The following CSNK2A2 variants were observed in gnomAD, a reference collection of about 807,000 sequenced individuals.
The protein encoded by CSNK2A2 is casein kinase 2 alpha 2, also known as casein kinase II subunit alpha'.
Under a neutral mutation model 54.0 loss-of-function variants are expected in CSNK2A2, and 8 were observed. The observed-to-expected ratio is 0.15, with a 90% CI of 0.09 to 0.27. The LOEUF (loss-of-function observed/expected upper bound fraction) is 0.27, where lower values mean the gene tolerates loss of function less well. Among genes scored for constraint, CSNK2A2 ranks in the 10% least tolerant of loss-of-function variants. The pLI is 1.00. For missense variants in CSNK2A2, 242 were observed against 439.4 expected (o/e 0.55, Z 4.02); for synonymous variants, 141 against 153.9 (o/e 0.92, Z 0.62).
rs940521063 is a variant in CSNK2A2 at position 58,197,986 on chromosome 16, G to A, written c.-250C>T. On this transcript the variant is annotated 5_prime_UTR_variant, in exon 1 of 12. Coordinates refer to ENST00000262506, the MANE Select transcript of CSNK2A2 (RefSeq NM_001896.4). This position sits in a 1 kb window ranked among gnomAD's most constrained non-coding sequence, Gnocchi z 4.0. ...GGGCGGCGGGGCGGGCGGCGCTCGC[G>A]CTCCGCGGCGGTCTCCGCTCGGCTC... 6.9e-6 allele frequency: 1 copy of A among 144,600 alleles called. No homozygotes were observed. Among genetic ancestry groups the A allele is most frequent in the Non-Finnish European group, 1.5e-5 (1 of 64,848 alleles). The allele number at this position is 144,600 out of a possible 1,614,324, so 9.0% of individuals were successfully genotyped here.
intron 2 of CSNK2A2, among the ~76,000 whole-genome samples, chr16:58,194,541 G>A (rs762993996): frequency 2.0e-5 from 3 of 152,156 alleles, no homozygotes; most frequent in Non-Finnish European, 2.9e-5. Flanking sequence ...ACAACATCAA[G>A]AAGAAACAAG....
At chr16:58,184,856 G>A (rs946470153) in intron 3 of CSNK2A2, among the ~76,000 whole-genome samples, 1 of 152,028 alleles carries the variant, frequency 6.6e-6, no homozygotes, top group Non-Finnish European at 1.5e-5. Flanking sequence ...GGTCCAAAAG[G>A]AAAATATAAC....
intron 2 of CSNK2A2, among the ~76,000 whole-genome samples, chr16:58,189,528 G>A (rs950351238): frequency 6.6e-6 from 1 of 152,074 alleles, no homozygotes; most frequent in East Asian, 1.9e-4. Context: ...ATTGGTCTCC[G>A]GTTATTCAGC....
In CSNK2A2 at chr16:58,197,112, C is replaced by G; in HGVS notation, c.105-268G>C. The G allele has an allele frequency of 2.3e-6, 1 of 440,614 alleles. No homozygotes were observed. The highest frequency in any genetic ancestry group is 4.2e-6 in the Non-Finnish European group (1 of 238,342). The allele number at this position is 440,614 out of a possible 1,614,324, so 27.3% of individuals were successfully genotyped here. ...CCAATCCAGAGGGGCGAGCAAAGCA[C>G]CCGTCCTGAAGGCCTAGAGGGTGCC... is the stretch of plus-strand genomic sequence containing the variant. On this transcript the variant is annotated intron_variant, in intron 1 of 11. Transcript: ENST00000262506. This position sits in a 1 kb window ranked among gnomAD's most constrained non-coding sequence, Gnocchi z 4.0.
At chr16:58,180,140 A>G (rs1252909221) in intron 4 of CSNK2A2, among the ~76,000 whole-genome samples, 2 of 151,970 alleles carry the variant, frequency 1.3e-5, no homozygotes, top group Non-Finnish European at 1.5e-5. Flanking sequence ...AACTCAAGAA[A>G]TGAAGAAGAA....
chr16:58,189,296 C>T (rs1337301851), intron 2 of CSNK2A2, among the ~76,000 whole-genome samples: 1 of 152,120 alleles, frequency 6.6e-6, no homozygotes, highest in Non-Finnish European at 1.5e-5. Context: ...GCCAATGCTA[C>T]CAGTTTAGTC....
intron 5 of CSNK2A2, among the ~76,000 whole-genome samples, chr16:58,170,768 T>C (rs1437784647): frequency 6.6e-6 from 1 of 152,172 alleles, no homozygotes; most frequent in Non-Finnish European, 1.5e-5. Flanking sequence ...CCGGCCATTC[T>C]AAATCTTCTT....
At chr16:58,184,434 GCC>G (rs1027319021) in intron 3 of CSNK2A2, 124 bp from the exon 4 acceptor site, 3 of 610,570 alleles carry the variant, frequency 4.9e-6, no homozygotes, top group Non-Finnish European at 8.6e-6. Flanking sequence ...ATCAGGGACA[GCC>G]TGTCAAGAAA....
chr16:58,174,586 T>C lies in CSNK2A2; in HGVS notation c.370-76A>G, dbSNP rs1961828467. ...GTCATCCTAAGTGCAGGCCATTCTC[T>C]AAGCTTATTTGATACTTAAGTGACT... is the stretch of plus-strand genomic sequence containing the variant. On this transcript the variant is annotated intron_variant, in intron 4 of 11. Transcript: ENST00000262506. 3 of 1,177,142 alleles carry C rather than the reference T, an allele frequency of 2.5e-6. No homozygotes were observed. In the East Asian group the frequency reaches 7.2e-5, roughly 28 times the overall value. 72.9% of individuals were successfully genotyped at this position (1,177,142 alleles called of 1,614,324 possible). A position where few individuals can be genotyped will look rare whatever the true frequency, so the allele number is the denominator to read the frequency against.
chr16:58,170,730 T>A (rs898808385), intron 5 of CSNK2A2, among the ~76,000 whole-genome samples: 8 of 152,136 alleles, frequency 5.3e-5, no homozygotes, highest in African/African-American at 1.7e-4. Flanking sequence ...TAATGAGTGA[T>A]GAAGTGGAAC....
chr16:58,191,760 T>C (rs1256886009), intron 2 of CSNK2A2, among the ~76,000 whole-genome samples: 1 of 152,200 alleles, frequency 6.6e-6, no homozygotes, highest in African/African-American at 2.4e-5. Context: ...CTTTCTACTA[T>C]TGGTTCTGCC....
chr16:58,166,438 A>C, intron 9 of CSNK2A2, 146 bp downstream of exon 9: 1 of 529,936 alleles, frequency 1.9e-6, no homozygotes, highest in Non-Finnish European at 3.4e-6. Context: ...AAATATCTCA[A>C]TAAGTTAAAA....
At chr16:58,171,977 ATATT>A (rs1382252615) in intron 5 of CSNK2A2, among the ~76,000 whole-genome samples, 1 of 34,316 alleles carries the variant, frequency 2.9e-5, no homozygotes, top group East Asian at 6.2e-4. Context: ...ATATATATAT[ATATT>A]TTTTTTTTTT....
chr16:58,195,254 T>G (rs571800690), intron 2 of CSNK2A2, among the ~76,000 whole-genome samples: 1 of 152,026 alleles, frequency 6.6e-6, no homozygotes, highest in East Asian at 1.9e-4. Context: ...ACACTCAGTA[T>G]CTTCAACATC....
Position 58,171,754 on chromosome 16 carries a change from A to T in CSNK2A2, c.429+2697T>A, listed in dbSNP as rs187358763. 3.7e-3 allele frequency among the ~76,000 whole-genome samples: 556 copies of T among 151,714 alleles called. 3 individuals are homozygous for T. Among genetic ancestry groups the T allele is most frequent in the Admixed American group, 5.0e-3 (76 of 15,210 alleles). ...CACATGAGGCCACTGAGCACCTGAA[A>T]TGTGCCTAGTGTGATTAGGGAACTA... On this transcript the variant is annotated intron_variant, in intron 5 of 11. Coordinates refer to ENST00000262506, the MANE Select transcript of CSNK2A2 (RefSeq NM_001896.4).
chr16:58,164,974 G>A (rs1961524493), intron 10 of CSNK2A2, among the ~76,000 whole-genome samples: 1 of 152,224 alleles, frequency 6.6e-6, no homozygotes, highest in African/African-American at 2.4e-5. Context: ...GAAGGAGACT[G>A]ATAATAGGAG....
chr16:58,175,838 G>A (rs1961862190), intron 4 of CSNK2A2, among the ~76,000 whole-genome samples: 1 of 152,158 alleles, frequency 6.6e-6, no homozygotes, highest in Non-Finnish European at 1.5e-5. Context: ...GCAGCGCAGG[G>A]AACGAAATGC....
intron 3 of CSNK2A2, among the ~76,000 whole-genome samples, chr16:58,185,887 G>C (rs1962180847): frequency 1.3e-5 from 2 of 152,260 alleles, no homozygotes; most frequent in South Asian, 4.1e-4. Flanking sequence ...TGTGAAGACT[G>C]AGTGACATGG....
At chr16:58,162,222 T>C (rs758205436) in intron 11 of CSNK2A2, 1 of 152,242 alleles carries the variant, frequency 6.6e-6, no homozygotes, top group Admixed American at 6.5e-5. Context: ...TAGAAGGCTT[T>C]TGATAATCTC....
Sources: gnomAD v4.1 joint callset for allele counts (sites outside exome capture counted in the v4.1 genomes callset) on GRCh38, gnomAD v4.1.1 for gene constraint, Gnocchi (gnomAD v3.1) non-coding constraint, MANE v1.5 for transcripts, NCBI Gene and HGNC (gene_info 2026-07-23, HGNC 2026-07-21) for gene names.